The following COG3 variants were observed in gnomAD, a reference collection of about 807,000 sequenced individuals.
COG3 encodes component of oligomeric golgi complex 3.
Under a neutral mutation model 114.1 loss-of-function variants are expected in COG3, and 32 were observed. That is an observed-to-expected ratio of 0.28 (90% CI 0.21 to 0.38). COG3 has a LOEUF of 0.38. Ranked by LOEUF, COG3 falls within the 10% of genes least tolerant of loss-of-function variation. The probability of loss-of-function intolerance (pLI) is 1.00; values close to 1 mark genes in which losing one functional copy is unlikely to be tolerated. For missense variants in COG3, 813 were observed against 973.2 expected, an observed-to-expected ratio of 0.84 and a Z score of 2.19; for synonymous variants, 352 against 365.7, an observed-to-expected ratio of 0.96 and a Z score of 0.43.
intron 7 of COG3, 36 bp downstream of exon 7, chr13:45,483,391 T>C (rs1341807214): frequency 3.4e-6 from 5 of 1,490,700 alleles, no homozygotes; most frequent in Admixed American, 2.3e-5. Flanking sequence ...GTTTTTGTTA[T>C]TGTTGTTGTT....
At chr13:45,477,686 G>A (rs1885962420) in intron 2 of COG3, among the ~76,000 whole-genome samples, 1 of 150,282 alleles carries the variant, frequency 6.7e-6, no homozygotes, top group African/African-American at 2.5e-5. Context: ...GCAGTGCAGT[G>A]GGCAATCTTG....
In COG3 at chr13:45,535,664, C is replaced by T. The variant is rs994146622; in HGVS notation, c.*933C>T. On this transcript the variant is annotated 3_prime_UTR_variant, in exon 23 of 23. Transcript: ENST00000349995. ...CTGTCTATTCATTCAGCTGGCTGTGCTGTGCTGTGGACCAGCTGTGTGGAT... is the reference window on the plus strand; with the variant it reads ...CTGTCTATTCATTCAGCTGGCTGTGTTGTGCTGTGGACCAGCTGTGTGGAT... 1.0e-6 allele frequency: 1 copy of T among 985,650 alleles called. No homozygotes were observed. Among genetic ancestry groups the T allele is most frequent in the South Asian group, 4.7e-5 (1 of 21,296 alleles). The allele number at this position is 985,650 out of a possible 1,614,324, so 61.1% of individuals were successfully genotyped here.
intron 20 of COG3, 57 bp downstream of exon 20, chr13:45,525,108 A>T (rs2985984): frequency 6.8e-7 from 1 of 1,469,302 alleles, no homozygotes; most frequent in Admixed American, 1.7e-5. Context: ...GTTTGCATTT[A>T]TATAGTCCTT....
In COG3 at chr13:45,475,363, A is replaced by ATT. The variant is rs542394994; in HGVS notation, c.175-828_175-827dup. 1.2e-3 allele frequency among the ~76,000 whole-genome samples: 173 copies of ATT among 146,552 alleles called. 1 individual carries two copies. Among genetic ancestry groups the ATT allele is most frequent in the African/African-American group, 4.2e-3 (169 of 40,144 alleles). ...AGATGTGTGCCACCACACCCAGCTA[A>ATT]TTTTTTTTTTTGTATTTTCAGTAGA... On this transcript the variant is annotated intron_variant, in intron 1 of 22. Transcript: ENST00000349995.
In COG3 at chr13:45,464,989, G is replaced by T. The variant is rs1233807447; in HGVS notation, c.-48G>T. ...CGGAAGTGGCCCAGGTCTCTCTGTC[G>T]GGGTCCCCTCCATCTCGCTGCTGCT... On this transcript the variant is annotated 5_prime_UTR_variant, in exon 1 of 23. Transcript: ENST00000349995. 5.2e-6 allele frequency: 8 copies of T among 1,533,024 alleles called. No individual in the cohort carries two copies. The highest frequency in any genetic ancestry group is 7.0e-6 in the Non-Finnish European group (8 of 1,141,704). 95.0% of individuals were successfully genotyped at this position (1,533,024 alleles called of 1,614,324 possible). A position where few individuals can be genotyped will look rare whatever the true frequency, so the allele number is the denominator to read the frequency against.
At chr13:45,494,457 A>G (rs1868495655) in intron 12 of COG3, among the ~76,000 whole-genome samples, 1 of 151,608 alleles carries the variant, frequency 6.6e-6, no homozygotes. Flanking sequence ...TAACTCATTC[A>G]TTTTCTCACA....
In COG3 at chr13:45,536,556, T is replaced by C. The variant is rs1167909551; in HGVS notation, c.*1825T>C. 6.6e-6 allele frequency: 1 copy of C among 152,254 alleles called. No individual in the cohort carries two copies. The highest frequency in any genetic ancestry group is 1.9e-4 in the East Asian group (1 of 5,208). The allele number at this position is 152,254 out of a possible 1,614,324, so 9.4% of individuals were successfully genotyped here. On this transcript the variant is annotated 3_prime_UTR_variant, in exon 23 of 23. Coordinates refer to ENST00000349995, the MANE Select transcript of COG3 (RefSeq NM_031431.4). ...CTTTCAAATAATTTAAAATGCTTTA[T>C]ATTATTTGGCTAGAAATTGCTGTTT...
chr13:45,506,653 C>T (rs953225773), intron 14 of COG3, among the ~76,000 whole-genome samples: 2 of 152,162 alleles, frequency 1.3e-5, no homozygotes, highest in East Asian at 3.8e-4. Flanking sequence ...GTGCAGTTAT[C>T]AGTGTTATCA....
At chr13:45,470,739 G>A (rs1952101) in intron 1 of COG3, among the ~76,000 whole-genome samples, 55,654 of 152,082 alleles carry the variant, frequency 0.37, 10,950 homozygotes, top group Middle Eastern at 0.54. Flanking sequence ...AATTACAGAT[G>A]GATATGGGTC....
At chr13:45,476,457 T>A in intron 2 of COG3, 110 bp downstream of exon 2, 2 of 1,098,826 alleles carry the variant, frequency 1.8e-6, no homozygotes, top group South Asian at 1.5e-5. Flanking sequence ...TAATTAACAT[T>A]AAGTCTTTCT....
Position 45,532,560 on chromosome 13 carries a change from GTTTTTTTTTTTTTT to G in COG3, c.2457+1794_2457+1807del, listed in dbSNP as rs59023921. Among the ~76,000 whole-genome samples, 32 of 82,494 alleles carry G rather than the reference GTTTTTTTTTTTTTT, an allele frequency of 3.9e-4. No individual in the cohort carries two copies. In the East Asian group the frequency reaches 4.4e-3, roughly 11 times the overall value. The allele number at this position is 82,494 out of a possible 152,430, so 54.1% of individuals were successfully genotyped here. On this transcript the variant is annotated intron_variant, in intron 22 of 22. Coordinates refer to ENST00000349995, the MANE Select transcript of COG3 (RefSeq NM_031431.4). ...TTAGTTATTGGGTTATCCTTCCATT[GTTTTTTTTTTTTTT>G]TTTTTTTTTTTTTGAGTTGGAGTCT...
chr13:45,486,697 A>G (rs903054131), intron 8 of COG3, 122 bp downstream of exon 8: 12 of 708,584 alleles, frequency 1.7e-5, no homozygotes, highest in Middle Eastern at 2.5e-4. Context: ...AAAGGTTGAC[A>G]TTGTCCTTCC....
At chr13:45,474,151 C>CTCTTTTTTTT (rs1380085026) in intron 1 of COG3, among the ~76,000 whole-genome samples, 1 of 82,014 alleles carries the variant, frequency 1.2e-5, no homozygotes, top group African/African-American at 5.0e-5. Flanking sequence ...CTTTTTTACT[C>CTCTTTTTTTT]TTTTTTTTTT....
intron 16 of COG3, 101 bp from the exon 17 acceptor site, chr13:45,516,042 G>T (rs1047148254): frequency 2.8e-5 from 23 of 820,150 alleles, no homozygotes; most frequent in Non-Finnish European, 3.8e-5. Context: ...ACCATAGGCT[G>T]TAAACCTAGG....
At chr13:45,503,859 AG>A (rs1188643187) in intron 14 of COG3, among the ~76,000 whole-genome samples, 7 of 152,118 alleles carry the variant, frequency 4.6e-5, no homozygotes, top group African/African-American at 1.7e-4. Context: ...TTGGACTTCT[AG>A]CTGGCATAGT....
chr13:45,489,072 G>A (rs180794099), intron 8 of COG3, among the ~76,000 whole-genome samples: 23 of 150,664 alleles, frequency 1.5e-4, no homozygotes, highest in African/African-American at 3.9e-4. Flanking sequence ...CCTGTGGTCC[G>A]GCTACTTGGG....
intron 19 of COG3, among the ~76,000 whole-genome samples, chr13:45,524,052 A>G (rs928171694): frequency 7.2e-5 from 11 of 152,244 alleles, no homozygotes; most frequent in South Asian, 2.1e-4. Context: ...AGGAGGAGAA[A>G]TAGAAACTAG....
intron 14 of COG3, among the ~76,000 whole-genome samples, chr13:45,506,697 C>T (rs1870189316): frequency 6.6e-6 from 1 of 152,158 alleles, no homozygotes; most frequent in East Asian, 1.9e-4. Context: ...GAAAGCAAGG[C>T]TCTGAGTCAG....
chr13:45,508,384 TTTTA>T (rs546695600), intron 14 of COG3, among the ~76,000 whole-genome samples: 10,705 of 33,028 alleles, frequency 0.32, 463 homozygotes, highest in East Asian at 0.42. Context: ...TTATATATAT[TTTTA>T]TATATATATA....
Sources: gnomAD v4.1 joint callset for allele counts (sites outside exome capture counted in the v4.1 genomes callset) on GRCh38, gnomAD v4.1.1 for gene constraint, MANE v1.5 for transcripts, NCBI Gene and HGNC (gene_info 2026-07-23, HGNC 2026-07-21) for gene names.